The following FAM174B variants were observed in gnomAD, a reference collection of about 807,000 sequenced individuals.
The protein encoded by FAM174B is membrane protein FAM174B.
In FAM174B, 12 loss-of-function variants were observed where a neutral mutation model predicts 10.9. The ratio of observed to expected loss-of-function variants is 1.10; its 90% CI spans 0.71 to 1.79. The LOEUF (loss-of-function observed/expected upper bound fraction) is 1.79, where lower values mean the gene tolerates loss of function less well. Among genes scored for constraint, FAM174B ranks in the 40% most tolerant of loss-of-function variants. The pLI is 0.00. For synonymous variants in FAM174B, 132 were observed against 115.8 expected, an observed-to-expected ratio of 1.14 and a Z score of -0.90; for missense variants, 266 against 233.3, an observed-to-expected ratio of 1.14 and a Z score of -0.91.
chr15:92,652,695 C>T (rs1042816682), intron 1 of FAM174B, among the ~76,000 whole-genome samples: 1 of 152,180 alleles, frequency 6.6e-6, no homozygotes, highest in Non-Finnish European at 1.5e-5. Context: ...GAAACGGCGG[C>T]AGGTGGCGAA....
chr15:92,652,122 AT>A (rs1173733874), intron 1 of FAM174B, among the ~76,000 whole-genome samples: 5 of 152,250 alleles, frequency 3.3e-5, no homozygotes, highest in African/African-American at 9.6e-5. Context: ...TTTGCTAAAA[AT>A]ATCTTTATTA....
At chr15:92,649,086 T>C (rs575935754) in intron 1 of FAM174B, among the ~76,000 whole-genome samples, 1 of 152,286 alleles carries the variant, frequency 6.6e-6, no homozygotes, top group South Asian at 2.1e-4. Context: ...GTTCCCTTAG[T>C]CCCCACTGCT....
chr15:92,623,294 T>C (rs952885176), intron 2 of FAM174B, among the ~76,000 whole-genome samples: 1 of 152,224 alleles, frequency 6.6e-6, no homozygotes, highest in Non-Finnish European at 1.5e-5. Context: ...AGACATGTGC[T>C]AGGTGACAAG....
chr15:92,640,025 A>G (rs2050879967), intron 1 of FAM174B, among the ~76,000 whole-genome samples: 1 of 152,246 alleles, frequency 6.6e-6, no homozygotes, highest in Admixed American at 6.5e-5. Context: ...TACACACTGG[A>G]ATCTAGTATA....
At chr15:92,648,554 A>C (rs960676460) in intron 1 of FAM174B, among the ~76,000 whole-genome samples, 1 of 152,186 alleles carries the variant, frequency 6.6e-6, no homozygotes, top group African/African-American at 2.4e-5. Context: ...CCAAGCCCCT[A>C]GGTTTAAGTC....
At chr15:92,635,146 G>A (rs1029196221) in intron 1 of FAM174B, among the ~76,000 whole-genome samples, 4 of 121,664 alleles carry the variant, frequency 3.3e-5, no homozygotes, top group Non-Finnish European at 5.1e-5. Context: ...CCTCTCTTTC[G>A]CTCACTATCT....
rs569606878 is a variant in FAM174B at position 92,650,094 on chromosome 15, C to CA, written c.344+5221dup. On this transcript the variant is annotated intron_variant, in intron 1 of 2. Transcript: ENST00000327355. ...TATACCATGAAATAATAAGCAATGA[C>CA]AAAAAAATTTTTAAATGGTAACTTT... 2.7e-3 allele frequency among the ~76,000 whole-genome samples: 405 copies of CA among 152,090 alleles called. 1 individual carries two copies. Among genetic ancestry groups the CA allele is most frequent in the African/African-American group, 9.4e-3 (389 of 41,502 alleles).
At chr15:92,650,123 T>G (rs1341084232) in intron 1 of FAM174B, among the ~76,000 whole-genome samples, 1 of 152,244 alleles carries the variant, frequency 6.6e-6, no homozygotes, top group African/African-American at 2.4e-5. Context: ...TAACTTTCCC[T>G]AAATGCTAAA....
intron 1 of FAM174B, among the ~76,000 whole-genome samples, chr15:92,638,853 G>C (rs948957904): frequency 3.3e-5 from 5 of 152,190 alleles, no homozygotes; most frequent in Admixed American, 6.5e-5. Context: ...GCACATCCCT[G>C]CCACGGGGCA....
At chr15:92,629,772 T>C (rs1356078704) in intron 2 of FAM174B, among the ~76,000 whole-genome samples, 4 of 152,096 alleles carry the variant, frequency 2.6e-5, no homozygotes, top group Admixed American at 2.0e-4. Context: ...CCACGTGTTG[T>C]GGGAGGGACT....
chr15:92,643,989 G>A (rs541432971), intron 1 of FAM174B, among the ~76,000 whole-genome samples: 52 of 152,212 alleles, frequency 3.4e-4, no homozygotes, highest in African/African-American at 1.1e-3. Flanking sequence ...TGAGCCAAGC[G>A]GTCCCTCCAA....
At chr15:92,648,155 C>T (rs745541821) in intron 1 of FAM174B, among the ~76,000 whole-genome samples, 21 of 152,204 alleles carry the variant, frequency 1.4e-4, no homozygotes, top group Non-Finnish European at 2.9e-4. Flanking sequence ...CCTGTAACTT[C>T]TATCTCCCTA....
At chr15:92,632,680 T>G (rs1292576626) in intron 1 of FAM174B, among the ~76,000 whole-genome samples, 1 of 146,782 alleles carries the variant, frequency 6.8e-6, no homozygotes, top group Non-Finnish European at 1.5e-5. Flanking sequence ...CTGGCTGGGT[T>G]GTTTTTTTTT....
At chr15:92,653,733 C>G (rs1236231019) in intron 1 of FAM174B, among the ~76,000 whole-genome samples, 1 of 152,222 alleles carries the variant, frequency 6.6e-6, no homozygotes, top group Admixed American at 6.5e-5. Context: ...GGAGCTGGGC[C>G]TTGGTGGCTG....
At chr15:92,627,697 G>A (rs139471328) in intron 2 of FAM174B, among the ~76,000 whole-genome samples, 232 of 152,320 alleles carry the variant, frequency 1.5e-3, no homozygotes, top group African/African-American at 5.3e-3. Flanking sequence ...TTGATGAGAC[G>A]CTGTTCACTG....
intron 2 of FAM174B, among the ~76,000 whole-genome samples, chr15:92,622,606 G>A (rs915522432): frequency 1.0e-4 from 16 of 152,394 alleles, no homozygotes; most frequent in South Asian, 8.3e-4. Context: ...CCGAGGAGGG[G>A]CTTGGGGGGC....
chr15:92,622,090 C>T (rs967854467), intron 2 of FAM174B, among the ~76,000 whole-genome samples: 4 of 152,172 alleles, frequency 2.6e-5, no homozygotes, highest in Admixed American at 1.3e-4. Context: ...GCAGAATCAA[C>T]GGAGATGCAA....
intron 1 of FAM174B, among the ~76,000 whole-genome samples, chr15:92,648,621 TCA>T (rs536418669): frequency 1.3e-3 from 194 of 152,264 alleles, no homozygotes; most frequent in Middle Eastern, 6.8e-3. Flanking sequence ...ACTCTGGGCC[TCA>T]GTTTTCTCAT....
Position 92,619,264 on chromosome 15 carries a change from A to G in FAM174B, c.*192T>C. 1 of 722,698 alleles carries G rather than the reference A, an allele frequency of 1.4e-6. No individual in the cohort carries two copies. Among genetic ancestry groups the G allele is most frequent in the Non-Finnish European group, 2.5e-6 (1 of 398,810 alleles). The allele number at this position is 722,698 out of a possible 1,614,324, so 44.8% of individuals were successfully genotyped here. On this transcript the variant is annotated 3_prime_UTR_variant, in exon 3 of 3. Transcript: ENST00000327355. ...TGGCAGAAGCAACTCCATTGTGGTGACGTGGAAACGAGCTTGCCAGTGACA... is the reference window on the plus strand; with the variant it reads ...TGGCAGAAGCAACTCCATTGTGGTGGCGTGGAAACGAGCTTGCCAGTGACA...
Sources: allele counts gnomAD v4.1 joint callset (sites outside exome capture counted in the v4.1 genomes callset), GRCh38; gene constraint gnomAD v4.1.1; transcripts MANE v1.5; gene names NCBI Gene and HGNC (gene_info 2026-07-23, HGNC 2026-07-21).